The following NKAIN1 variants were observed in gnomAD, a reference collection of about 807,000 sequenced individuals.
NKAIN1 encodes sodium/potassium transporting ATPase interacting 1.
NKAIN1 carries 13 observed loss-of-function variants against 31.6 expected under a neutral mutation model. The observed-to-expected ratio is 0.41, with a 90% CI of 0.27 to 0.65. The LOEUF is 0.65. Ranked by LOEUF, NKAIN1 falls within the 30% of genes least tolerant of loss-of-function variation. The probability of loss-of-function intolerance (pLI) is 0.30; values close to 1 mark genes in which losing one functional copy is unlikely to be tolerated. For synonymous variants in NKAIN1, 104 were observed against 109.0 expected (o/e 0.95, Z 0.28); for missense variants, 193 against 262.2 (o/e 0.74, Z 1.82).
chr1:31,229,090 A>G (rs904860891), intron 1 of NKAIN1, among the ~76,000 whole-genome samples: 1 of 152,230 alleles, frequency 6.6e-6, no homozygotes, highest in African/African-American at 2.4e-5. Flanking sequence ...AGTGAGTACT[A>G]GAACCCAGGC....
chr1:31,214,744 G>A (rs1645497377), intron 1 of NKAIN1, among the ~76,000 whole-genome samples: 1 of 152,232 alleles, frequency 6.6e-6, no homozygotes, highest in Non-Finnish European at 1.5e-5. Context: ...GGGAGAATCA[G>A]GCAGAGATGA....
At chr1:31,215,540 C>T (rs1292825716) in intron 1 of NKAIN1, among the ~76,000 whole-genome samples, 1 of 152,170 alleles carries the variant, frequency 6.6e-6, no homozygotes, top group African/African-American at 2.4e-5. Flanking sequence ...TGGCACTGAA[C>T]TACTCATTCC....
chr1:31,197,846 G>A (rs889817522), intron 1 of NKAIN1, among the ~76,000 whole-genome samples: 1 of 151,988 alleles, frequency 6.6e-6, no homozygotes, highest in African/African-American at 2.4e-5. Flanking sequence ...TGCACCTGGT[G>A]GTTTTTTACT....
At chr1:31,225,323 G>A (rs958393288) in intron 1 of NKAIN1, among the ~76,000 whole-genome samples, 4 of 105,760 alleles carry the variant, frequency 3.8e-5, no homozygotes, top group African/African-American at 1.5e-4. Context: ...ACCATGCCCG[G>A]CCTTTTTTTT....
At chr1:31,229,261 C>G (rs960634896) in intron 1 of NKAIN1, among the ~76,000 whole-genome samples, 1 of 152,178 alleles carries the variant, frequency 6.6e-6, no homozygotes, top group African/African-American at 2.4e-5. Context: ...GAGTATTAGT[C>G]TTTCTGTAGT....
At chr1:31,192,763 C>A (rs896079703) in intron 1 of NKAIN1, among the ~76,000 whole-genome samples, 3 of 152,032 alleles carry the variant, frequency 2.0e-5, no homozygotes, top group Non-Finnish European at 4.4e-5. Context: ...TGTTGCCCAG[C>A]CTAGTCTCAT....
At chr1:31,200,760 G>T (rs1346999445) in intron 1 of NKAIN1, among the ~76,000 whole-genome samples, 2 of 152,012 alleles carry the variant, frequency 1.3e-5, no homozygotes, top group African/African-American at 2.4e-5. Flanking sequence ...ACTGTGCCCG[G>T]CCACATTTAT....
chr1:31,234,796 G>A lies in NKAIN1; in HGVS notation c.54+4698C>T, dbSNP rs138155034. ...CAGGCTTGGACCTGTCTGGGGTCAA[G>A]CACTGGTTAAACGCGAGCAGTAGAG... On this transcript the variant is annotated intron_variant, in intron 1 of 6. Coordinates refer to ENST00000373736, the MANE Select transcript of NKAIN1 (RefSeq NM_024522.3). 1.1e-3 allele frequency among the ~76,000 whole-genome samples: 175 copies of A among 152,274 alleles called. 3 individuals are homozygous for A. The highest frequency in any genetic ancestry group is 0.01 in the Middle Eastern group (3 of 294).
At chr1:31,224,408 A>C (rs1645586528) in intron 1 of NKAIN1, among the ~76,000 whole-genome samples, 1 of 152,208 alleles carries the variant, frequency 6.6e-6, no homozygotes, top group Admixed American at 6.5e-5. Context: ...TTTCGAATAC[A>C]GATGCTCCTT....
intron 1 of NKAIN1, among the ~76,000 whole-genome samples, chr1:31,206,884 C>G (rs1030044140): frequency 1.3e-5 from 2 of 152,134 alleles, no homozygotes; most frequent in African/African-American, 4.8e-5. Context: ...TAGGCATGCA[C>G]CACTACGCTC....
chr1:31,201,360 A>T (rs1248697922), intron 1 of NKAIN1, among the ~76,000 whole-genome samples: 11 of 136,176 alleles, frequency 8.1e-5, no homozygotes, highest in Non-Finnish European at 9.3e-5. Context: ...ATCCTACCCT[A>T]TTTTTTTTTT....
intron 1 of NKAIN1, among the ~76,000 whole-genome samples, chr1:31,196,683 G>A (rs1645330208): frequency 6.6e-6 from 1 of 150,850 alleles, no homozygotes; most frequent in South Asian, 2.1e-4. Flanking sequence ...GCGACAGAGT[G>A]AGATTCCATC....
At chr1:31,218,146 T>C (rs1645532870) in intron 1 of NKAIN1, among the ~76,000 whole-genome samples, 1 of 151,050 alleles carries the variant, frequency 6.6e-6, no homozygotes, top group Non-Finnish European at 1.5e-5. Context: ...CACTGCAGCC[T>C]CTGCCTCCCA....
chr1:31,230,890 T>C (rs2148367701), intron 1 of NKAIN1, among the ~76,000 whole-genome samples: 1 of 149,160 alleles, frequency 6.7e-6, no homozygotes, highest in African/African-American at 2.5e-5. Context: ...TTTTTTTTTT[T>C]TTTTTTTTTG....
intron 1 of NKAIN1, among the ~76,000 whole-genome samples, chr1:31,232,790 A>T (rs1454886943): frequency 6.6e-6 from 1 of 152,088 alleles, no homozygotes; most frequent in South Asian, 2.1e-4. Flanking sequence ...TCCAGATTTT[A>T]TAACAATTGT....
chr1:31,237,086 C>G (rs1484083553), intron 1 of NKAIN1, among the ~76,000 whole-genome samples: 2 of 152,152 alleles, frequency 1.3e-5, no homozygotes, highest in East Asian at 3.9e-4. Flanking sequence ...AGACCCACCT[C>G]TAAAACACAA....
At chr1:31,214,976 A>C (rs1645499703) in intron 1 of NKAIN1, among the ~76,000 whole-genome samples, 1 of 152,330 alleles carries the variant, frequency 6.6e-6, no homozygotes, top group East Asian at 1.9e-4. Flanking sequence ...GGAGGCGTTA[A>C]GCACCTACGG....
At chr1:31,216,130 A>G (rs1570470721) in intron 1 of NKAIN1, among the ~76,000 whole-genome samples, 2 of 151,094 alleles carry the variant, frequency 1.3e-5, no homozygotes, top group African/African-American at 2.5e-5. Context: ...GGCTGGGAAG[A>G]TTAAAGGGGA....
At chr1:31,212,024 G>A (rs1340256942) in intron 1 of NKAIN1, among the ~76,000 whole-genome samples, 6 of 152,144 alleles carry the variant, frequency 3.9e-5, no homozygotes, top group African/African-American at 1.4e-4. Flanking sequence ...AACAAAGTTT[G>A]AGGACTCATA....
Sources: gnomAD v4.1 joint callset for allele counts (sites outside exome capture counted in the v4.1 genomes callset) on GRCh38, gnomAD v4.1.1 for gene constraint, MANE v1.5 for transcripts, NCBI Gene and HGNC (gene_info 2026-07-23, HGNC 2026-07-21) for gene names.